MYH13: variants seen among roughly 807,000 people sequenced by gnomAD.
MYH13 encodes the protein myosin heavy chain 13.
MYH13 carries 177 observed loss-of-function variants against 232.1 expected under a neutral mutation model. The ratio of observed to expected loss-of-function variants is 0.76; its 90% CI spans 0.67 to 0.86. The LOEUF (loss-of-function observed/expected upper bound fraction) is 0.86. Ranked by LOEUF, MYH13 falls within the 40% of genes least tolerant of loss-of-function variation. MYH13 has a pLI of 0.00. For missense variants in MYH13, 2,246 were observed against 2,405.9 expected (o/e 0.93, Z 1.39); for synonymous variants, 884 against 923.5 (o/e 0.96, Z 0.78).
Position 10,359,916 on chromosome 17 carries a change from A to G in MYH13, c.645+44T>C, listed in dbSNP as rs375212333. ...TTGGTGCTCATCCACGCTTTAAAGT[A>G]TACTTATTCCAGTAAGCCTCCGGAT... On this transcript the variant is annotated intron_variant, in intron 7 of 40. Coordinates refer to ENST00000252172, the MANE Select transcript of MYH13 (RefSeq NM_003802.3). 1.4e-4 allele frequency: 212 copies of G among 1,537,788 alleles called. 1 individual carries two copies. Among genetic ancestry groups the G allele is most frequent in the Non-Finnish European group, 1.8e-4 (196 of 1,112,284 alleles).
intron 11 of MYH13, among the ~76,000 whole-genome samples, chr17:10,352,715 G>A (rs1209663955): frequency 2.0e-5 from 3 of 152,150 alleles, no homozygotes; most frequent in Admixed American, 2.0e-4. Context: ...TCCTTAGGTG[G>A]GCCTTTCTCA....
rs1017202170 is a variant in MYH13, at chr17:10,345,352, C to T, written c.1434G>A (p.Leu478=). 2.5e-6 allele frequency: 4 copies of T among 1,614,108 alleles called. No homozygotes were observed. In the African/African-American group the frequency reaches 5.3e-5, roughly 22 times the overall value. The part of the protein sequence containing the change: ...EIFDFNSLEQ[L]CINFTNEKLQ... ...GTTTCTCATTGGTGAAGTTGATGCA[C>T]AGCTGCTCCAGGCTGTTGAACTGGG... The change falls in exon 15 of 41, where the codon CTG becomes CTA. Residue 478 remains leucine (L), a synonymous_variant. Transcript: ENST00000252172.
chr17:10,342,347 C>T (rs562558283), intron 16 of MYH13, among the ~76,000 whole-genome samples: 44 of 152,256 alleles, frequency 2.9e-4, no homozygotes, highest in African/African-American at 9.9e-4. Context: ...GTGTAAGCCA[C>T]CACGCCTGGC....
Position 10,355,067 on chromosome 17 carries a change from A to G in MYH13, c.802+17T>C. Reference sequence around the variant, plus strand: ...GTGGCCAAAACACCAACGGATTTATAGAGTGTTTGGACTCACAAGTTTCGA... The same window carrying G: ...GTGGCCAAAACACCAACGGATTTATGGAGTGTTTGGACTCACAAGTTTCGA... On this transcript the variant is annotated intron_variant, in intron 9 of 40. Transcript: ENST00000252172. 1 of 1,607,392 alleles carries G rather than the reference A, an allele frequency of 6.2e-7. No individual in the cohort carries two copies. Among genetic ancestry groups the G allele is most frequent in the Non-Finnish European group, 8.5e-7 (1 of 1,176,338 alleles).
intron 29 of MYH13, among the ~76,000 whole-genome samples, chr17:10,314,693 G>A (rs1331103100): frequency 6.6e-6 from 1 of 152,172 alleles, no homozygotes; most frequent in South Asian, 2.1e-4. Context: ...CTTAGCCAGC[G>A]TACAGCAACC....
Position 10,364,414 on chromosome 17 carries a change from A to G in MYH13, c.117T>C (p.Phe39=), listed in dbSNP as rs1398859866. 1 of 1,613,820 alleles carries G rather than the reference A, an allele frequency of 6.2e-7. No homozygotes were observed. The highest frequency in any genetic ancestry group is 2.2e-5 in the East Asian group (1 of 44,884). Reference sequence around the variant, plus strand: ...CATACATTTCCTTATTATCCGCTACAAAGCAGGCTTTCTTGGAATCGAATG... The same window carrying G: ...CATACATTTCCTTATTATCCGCTACGAAGCAGGCTTTCTTGGAATCGAATG... The part of the protein sequence containing the change: ...NRPFDSKKAC[F]VADNKEMYVK... The change falls in exon 3 of 41, where the codon TTT becomes TTC. Residue 39 remains phenylalanine, a synonymous_variant. Transcript: ENST00000252172.
chr17:10,364,227 T>C (rs1475309098), intron 3 of MYH13, 100 bp downstream of exon 3: 1 of 1,253,880 alleles, frequency 8.0e-7, no homozygotes, highest in Non-Finnish European at 1.1e-6. Flanking sequence ...TTTTGTTCTG[T>C]CTTCAGATTC....
At chr17:10,343,413 G>T (rs917005995) in intron 16 of MYH13, among the ~76,000 whole-genome samples, 1 of 152,268 alleles carries the variant, frequency 6.6e-6, no homozygotes, top group Admixed American at 6.5e-5. Context: ...GGCCAGGCTG[G>T]TCTCAAACTC....
In MYH13 at chr17:10,344,120, G is replaced by T. The variant is rs1391741952; in HGVS notation, c.1585-11C>A. On this transcript the variant is annotated splice_polypyrimidine_tract_variant and intron_variant, in intron 15 of 40. Coordinates refer to ENST00000252172, the MANE Select transcript of MYH13 (RefSeq NM_003802.3). ...GAAGATGCCCATAGGCTGGAAAGAG[G>T]ATAACAGAGTCTACATATAATAGTG... 2.5e-6 allele frequency: 4 copies of T among 1,613,512 alleles called. No individual in the cohort carries two copies. In the African/African-American group the frequency reaches 4.0e-5, roughly 16 times the overall value.
chr17:10,352,214 T>C (rs530478880), intron 11 of MYH13, among the ~76,000 whole-genome samples: 22 of 152,078 alleles, frequency 1.4e-4, no homozygotes, highest in Admixed American at 1.1e-3. Flanking sequence ...CCTGGGTATA[T>C]GATGGGATGT....
chr17:10,349,135 G>A (rs549185265), intron 12 of MYH13, among the ~76,000 whole-genome samples: 98 of 146,286 alleles, frequency 6.7e-4, no homozygotes, highest in African/African-American at 2.2e-3. Context: ...GGAGTTTCAC[G>A]ATTTTCACCC....
chr17:10,317,631 A>T (rs1906765891), intron 27 of MYH13: 1 of 152,302 alleles, frequency 6.6e-6, no homozygotes, highest in Non-Finnish European at 1.5e-5. Flanking sequence ...CACGTGTTAA[A>T]TCGAGGAGCA....
At chr17:10,339,542 A>G (rs1364557187) in intron 18 of MYH13, among the ~76,000 whole-genome samples, 1 of 152,190 alleles carries the variant, frequency 6.6e-6, no homozygotes, top group African/African-American at 2.4e-5. Context: ...ATTATGGGAT[A>G]CCCAAGATGA....
chr17:10,324,929 T>A (rs1907151310), intron 22 of MYH13: 1 of 152,440 alleles, frequency 6.6e-6, no homozygotes, highest in South Asian at 2.1e-4. Context: ...GCTCAAGTGA[T>A]CCTCCCACCT....
intron 12 of MYH13, among the ~76,000 whole-genome samples, chr17:10,347,615 A>G (rs978996793): frequency 6.6e-6 from 1 of 150,966 alleles, no homozygotes; most frequent in Non-Finnish European, 1.5e-5. Flanking sequence ...ATATTTTCAT[A>G]TATTTCAGCA....
At chr17:10,333,988 C>G (rs894816506) in intron 18 of MYH13, among the ~76,000 whole-genome samples, 7 of 151,698 alleles carry the variant, frequency 4.6e-5, no homozygotes, top group Non-Finnish European at 1.0e-4. Flanking sequence ...GCTGACCACT[C>G]AGCCCCTGCT....
At chr17:10,355,037 C>G in intron 9 of MYH13, 44 bp from the exon 10 acceptor site, 1 of 1,610,506 alleles carries the variant, frequency 6.2e-7, no homozygotes, top group Non-Finnish European at 8.5e-7. Context: ...CCAAGAGATG[C>G]TTTTGTGGCC....
Position 10,364,309 on chromosome 17 carries a change from T to C in MYH13, c.204+18A>G, listed in dbSNP as rs779201153. ...GAGCATGCCCATATTATCAAAGACA[T>C]CTGTAATCAACACTCACCCGGTCAT... On this transcript the variant is annotated intron_variant, in intron 3 of 40. Transcript: ENST00000252172. 9.3e-6 allele frequency: 15 copies of C among 1,604,898 alleles called. No homozygotes were observed. The highest frequency in any genetic ancestry group is 1.3e-5 in the Non-Finnish European group (15 of 1,172,452).
intron 11 of MYH13, among the ~76,000 whole-genome samples, chr17:10,351,003 C>T (rs1435811826): frequency 4.0e-5 from 6 of 151,794 alleles, no homozygotes; most frequent in Non-Finnish European, 8.8e-5. Context: ...AGGCAGATTA[C>T]GAGGTCAGGA....
Sources: allele counts gnomAD v4.1 joint callset (sites outside exome capture counted in the v4.1 genomes callset), GRCh38; gene constraint gnomAD v4.1.1; transcripts MANE v1.5; gene names NCBI Gene and HGNC (gene_info 2026-07-23, HGNC 2026-07-21).